NXPH1: variants seen among roughly 807,000 people sequenced by gnomAD.
The protein encoded by NXPH1 is neurexophilin 1.
Under a neutral mutation model 23.7 loss-of-function variants are expected in NXPH1, and 5 were observed. The ratio of observed to expected loss-of-function variants is 0.21; its 90% CI spans 0.11 to 0.44. NXPH1 has a LOEUF of 0.44. Among genes scored for constraint, NXPH1 ranks in the 20% least tolerant of loss-of-function variants. The pLI, the probability that NXPH1 is intolerant of heterozygous loss-of-function variation, is 0.99. For missense variants in NXPH1, 324 were observed against 321.6 expected (o/e 1.01, Z -0.06); for synonymous variants, 144 against 122.2 (o/e 1.18, Z -1.18).
At chr7:8,599,425 C>T (rs992031831) in intron 2 of NXPH1, among the ~76,000 whole-genome samples, 7 of 152,078 alleles carry the variant, frequency 4.6e-5, no homozygotes, top group African/African-American at 1.7e-4. Flanking sequence ...TTTTGAAAAT[C>T]TCATTCTCAT....
chr7:8,500,790 A>AT (rs1817418431), intron 2 of NXPH1, among the ~76,000 whole-genome samples: 1 of 151,796 alleles, frequency 6.6e-6, no homozygotes. Flanking sequence ...TCTTAACCTC[A>AT]TTTTTCACAG....
intron 2 of NXPH1, among the ~76,000 whole-genome samples, chr7:8,674,741 G>T (rs183950597): frequency 1.3e-5 from 2 of 152,108 alleles, no homozygotes; most frequent in African/African-American, 4.8e-5. Context: ...GACAATTTTG[G>T]TAAACCATGC....
At chr7:8,651,114 C>T (rs755061445) in intron 2 of NXPH1, among the ~76,000 whole-genome samples, 2 of 149,420 alleles carry the variant, frequency 1.3e-5, no homozygotes, top group Non-Finnish European at 3.0e-5. Context: ...CAATGCTATC[C>T]CTCCCCACTC....
At chr7:8,571,185 T>A (rs1818640191) in intron 2 of NXPH1, among the ~76,000 whole-genome samples, 1 of 151,792 alleles carries the variant, frequency 6.6e-6, no homozygotes, top group African/African-American at 2.4e-5. Flanking sequence ...TGTTGAAATT[T>A]GAAAAACACT....
At chr7:8,620,020 G>C (rs916027812) in intron 2 of NXPH1, among the ~76,000 whole-genome samples, 1 of 152,112 alleles carries the variant, frequency 6.6e-6, no homozygotes, top group African/African-American at 2.4e-5. Flanking sequence ...TCCACGTACT[G>C]CTGTGCTGTA....
intron 2 of NXPH1, among the ~76,000 whole-genome samples, chr7:8,726,679 G>C (rs904820837): frequency 3.4e-5 from 5 of 149,064 alleles, no homozygotes; most frequent in East Asian, 3.9e-4. Context: ...CATTTTTTAT[G>C]GCTGCATAGT....
chr7:8,567,803 T>A (rs932393142), intron 2 of NXPH1, among the ~76,000 whole-genome samples: 17 of 151,856 alleles, frequency 1.1e-4, no homozygotes, highest in Non-Finnish European at 1.6e-4. Flanking sequence ...AAGGAGAACA[T>A]ATGGTCTTTC....
chr7:8,738,344 CCTTT>C (rs1780298257), intron 2 of NXPH1, among the ~76,000 whole-genome samples: 2 of 152,156 alleles, frequency 1.3e-5, no homozygotes, highest in African/African-American at 4.8e-5. Flanking sequence ...TGATGCTATT[CCTTT>C]CTATTAGTTT....
chr7:8,666,291 T>C (rs1257560399), intron 2 of NXPH1, among the ~76,000 whole-genome samples: 1 of 152,098 alleles, frequency 6.6e-6, no homozygotes. Context: ...CTGCTTCTAT[T>C]GATATGATCA....
chr7:8,694,744 A>G lies in NXPH1; in HGVS notation c.55-56264A>G, dbSNP rs73676144. ...CTATGCCAACCTCTTTCCTATCACA[A>G]TATAACTAGAAATTCATATAAAACA... On this transcript the variant is annotated intron_variant, in intron 2 of 2. Transcript: ENST00000405863. Among the ~76,000 whole-genome samples, 717 of 152,332 alleles carry G rather than the reference A, an allele frequency of 4.7e-3. 5 individuals are homozygous for G. The highest frequency in any genetic ancestry group is 0.016 in the African/African-American group (668 of 41,572).
intron 2 of NXPH1, among the ~76,000 whole-genome samples, chr7:8,466,123 T>C (rs1226530989): frequency 1.3e-5 from 2 of 152,158 alleles, no homozygotes; most frequent in Non-Finnish European, 2.9e-5. Flanking sequence ...TCACTGACTT[T>C]TGTGAGTACC....
intron 2 of NXPH1, among the ~76,000 whole-genome samples, chr7:8,588,022 G>A (rs944405115): frequency 6.6e-6 from 1 of 152,152 alleles, no homozygotes; most frequent in Non-Finnish European, 1.5e-5. Context: ...GGTCATTAGA[G>A]AAATACAAAT....
At chr7:8,540,210 C>T (rs947404837) in intron 2 of NXPH1, among the ~76,000 whole-genome samples, 1 of 151,640 alleles carries the variant, frequency 6.6e-6, no homozygotes, top group African/African-American at 2.4e-5. Context: ...CTTGGATATT[C>T]GAAATAACTC....
At chr7:8,585,280 G>A (rs1818957735) in intron 2 of NXPH1, among the ~76,000 whole-genome samples, 1 of 152,144 alleles carries the variant, frequency 6.6e-6, no homozygotes, top group South Asian at 2.1e-4. Context: ...CTGCTGACAG[G>A]TGCCCAGCTC....
rs1413861303 is a variant in NXPH1, at chr7:8,446,153, C to G, written c.54+10386C>G. Among the ~76,000 whole-genome samples, 5 of 152,104 alleles carry G rather than the reference C, an allele frequency of 3.3e-5. No homozygotes were observed. The East Asian group carries it at 5.8e-4, about 18-fold the overall frequency. Reference sequence around the variant, plus strand: ...TATAAAGTTAGGTTTGGTGTGCAATCAATAGTTGTAAATGGTTCAGTGAAA... The same window carrying G: ...TATAAAGTTAGGTTTGGTGTGCAATGAATAGTTGTAAATGGTTCAGTGAAA... On this transcript the variant is annotated intron_variant, in intron 2 of 2. Transcript: ENST00000405863.
chr7:8,694,545 A>G (rs1158290739), intron 2 of NXPH1, among the ~76,000 whole-genome samples: 4 of 152,170 alleles, frequency 2.6e-5, no homozygotes, highest in Non-Finnish European at 5.9e-5. Flanking sequence ...GAAACTTTGA[A>G]TTCTTAATAT....
intron 2 of NXPH1, among the ~76,000 whole-genome samples, chr7:8,529,391 G>A (rs887414573): frequency 6.6e-6 from 1 of 152,190 alleles, no homozygotes; most frequent in Admixed American, 6.5e-5. Context: ...AGCTGTGTGG[G>A]TGCAGTACAC....
intron 2 of NXPH1, among the ~76,000 whole-genome samples, chr7:8,557,899 T>G (rs1259570626): frequency 6.6e-6 from 1 of 151,696 alleles, no homozygotes; most frequent in Non-Finnish European, 1.5e-5. Flanking sequence ...AGGCAATTGC[T>G]TCTTTACTTT....
chr7:8,748,158 C>A (rs907616496), intron 2 of NXPH1, among the ~76,000 whole-genome samples: 2 of 152,054 alleles, frequency 1.3e-5, no homozygotes. Context: ...AATATTTAGT[C>A]CTTATTAAAA....
Sources: allele counts gnomAD v4.1 joint callset (sites outside exome capture counted in the v4.1 genomes callset), GRCh38; gene constraint gnomAD v4.1.1; transcripts MANE v1.5; gene names NCBI Gene and HGNC (gene_info 2026-07-23, HGNC 2026-07-21).